The following AHI1 variants were observed in gnomAD, a reference collection of about 807,000 sequenced individuals.
AHI1 encodes jouberin.
Under a neutral mutation model 149.3 loss-of-function variants are expected in AHI1, and 123 were observed. That is an observed-to-expected ratio of 0.82 (90% CI 0.71 to 0.96). AHI1 has a LOEUF of 0.96. AHI1 is among the 40% of genes least tolerant of loss of function. The probability of loss-of-function intolerance (pLI) is 0.00; values close to 1 mark genes in which losing one functional copy is unlikely to be tolerated. For synonymous variants in AHI1, 475 were observed against 459.8 expected (o/e 1.03, Z -0.42); for missense variants, 1,439 against 1,422.7 (o/e 1.01, Z -0.18).
chr6:135,320,345 T>C (rs755048771), intron 25 of AHI1, among the ~76,000 whole-genome samples: 9 of 152,220 alleles, frequency 5.9e-5, no homozygotes, highest in Non-Finnish European at 1.2e-4. Flanking sequence ...ATGGTCATCA[T>C]TGAGACAAAG....
chr6:135,463,999 C>T (rs1050768792), intron 7 of AHI1, among the ~76,000 whole-genome samples: 1 of 152,198 alleles, frequency 6.6e-6, no homozygotes, highest in Non-Finnish European at 1.5e-5. Flanking sequence ...TGAGTCACTA[C>T]ATTTTCAGAA....
chr6:135,331,869 G>T (rs918282545), intron 24 of AHI1, among the ~76,000 whole-genome samples: 2 of 152,020 alleles, frequency 1.3e-5, no homozygotes, highest in Non-Finnish European at 1.5e-5. Flanking sequence ...CCTGATTTCA[G>T]ACTCCGGGCT....
chr6:135,358,671 T>C (rs77194277), intron 23 of AHI1, among the ~76,000 whole-genome samples: 1,577 of 152,340 alleles, frequency 0.01, 21 homozygotes, highest in African/African-American at 0.035. Flanking sequence ...ATTTATTCAA[T>C]CACCATGAGT....
intron 23 of AHI1, among the ~76,000 whole-genome samples, chr6:135,359,650 T>C (rs991423692): frequency 5.9e-5 from 9 of 152,200 alleles, no homozygotes; most frequent in South Asian, 2.1e-4. Flanking sequence ...CTGAGAATAG[T>C]GTGGCATGGC....
Position 135,431,227 on chromosome 6 carries a change from T to TG in AHI1, c.2353dup (p.His785ProfsTer7). On this transcript the variant is annotated frameshift_variant, in exon 17 of 29. Coordinates refer to ENST00000265602, the MANE Select transcript of AHI1 (RefSeq NM_001134831.2). LOFTEE classifies it high-confidence loss of function. ...TTATACCTTATTTATAGTCCAGTGG[T>TG]GCACTGAATGTTCCAAATCATTAAT... 1 of 1,598,890 alleles carries TG rather than the reference T, an allele frequency of 6.3e-7. No homozygotes were observed. Among genetic ancestry groups the TG allele is most frequent in the Non-Finnish European group, 8.5e-7 (1 of 1,169,988 alleles).
At chr6:135,330,655 G>C (rs1011521475) in intron 24 of AHI1, among the ~76,000 whole-genome samples, 7 of 152,188 alleles carry the variant, frequency 4.6e-5, no homozygotes, top group Non-Finnish European at 7.3e-5. Flanking sequence ...TACGCAATGA[G>C]GAATCAGGGT....
intron 20 of AHI1, among the ~76,000 whole-genome samples, chr6:135,422,115 A>T (rs1783258619): frequency 6.6e-6 from 1 of 152,206 alleles, no homozygotes; most frequent in African/African-American, 2.4e-5. Context: ...TATCTCCAAT[A>T]TAGAAAACCA....
At chr6:135,478,050 C>G (rs1007345946) in intron 5 of AHI1, among the ~76,000 whole-genome samples, 1 of 152,162 alleles carries the variant, frequency 6.6e-6, no homozygotes, top group Non-Finnish European at 1.5e-5. Context: ...ATCTGCCCAC[C>G]TTGGCCTCCC....
intron 26 of AHI1, chr6:135,302,302 T>C (rs2128353576): frequency 3.0e-6 from 3 of 985,598 alleles, no homozygotes; most frequent in Non-Finnish European, 3.6e-6. Flanking sequence ...TCTCATCAAT[T>C]TGAACCTATT....
intron 14 of AHI1, among the ~76,000 whole-genome samples, chr6:135,438,711 AT>A (rs1382645139): frequency 6.6e-6 from 1 of 152,126 alleles, no homozygotes; most frequent in African/African-American, 2.4e-5. Flanking sequence ...TTCAGTTATA[AT>A]TTTGCTACAA....
intron 23 of AHI1, among the ~76,000 whole-genome samples, chr6:135,388,808 T>C (rs897865107): frequency 3.3e-5 from 5 of 150,182 alleles, no homozygotes; most frequent in Admixed American, 6.6e-5. Context: ...GGTCAGGAGT[T>C]CAAGACCAGC....
chr6:135,427,085 T>C, intron 20 of AHI1, 82 bp downstream of exon 20: 1 of 1,399,688 alleles, frequency 7.1e-7, no homozygotes, highest in African/African-American at 1.4e-5. Context: ...TTGTCAACAT[T>C]TGAATTCCAG....
At chr6:135,366,933 A>G (rs1196351708) in intron 23 of AHI1, among the ~76,000 whole-genome samples, 1 of 152,182 alleles carries the variant, frequency 6.6e-6, no homozygotes. Context: ...CTTTCCTCTT[A>G]GCACTGCTTT....
intron 23 of AHI1, among the ~76,000 whole-genome samples, chr6:135,378,440 T>C (rs1422336780): frequency 1.3e-5 from 2 of 152,234 alleles, no homozygotes; most frequent in African/African-American, 4.8e-5. Context: ...ATTTGATAAA[T>C]TTCCTCAGTA....
At chr6:135,334,268 G>C (rs1789037877) in intron 24 of AHI1, among the ~76,000 whole-genome samples, 1 of 152,160 alleles carries the variant, frequency 6.6e-6, no homozygotes, top group South Asian at 2.1e-4. Flanking sequence ...GGGCCTTTGG[G>C]AGGTGATTAG....
chr6:135,299,987 C>G (rs1030996014), intron 27 of AHI1, among the ~76,000 whole-genome samples: 1 of 152,084 alleles, frequency 6.6e-6, no homozygotes, highest in African/African-American at 2.4e-5. Flanking sequence ...TTTCTTATAA[C>G]TTTGTAATAA....
intron 27 of AHI1, among the ~76,000 whole-genome samples, chr6:135,294,698 C>CAAAAAAAAAAAAAAAA (rs56734547): frequency 8.1e-4 from 55 of 67,894 alleles, no homozygotes; most frequent in Non-Finnish European, 9.6e-4. Flanking sequence ...TCTCCAAATG[C>CAAAAAAAAAAAAAAAA]AAAAAAAAAA....
chr6:135,461,375 C>T (rs977655354), intron 8 of AHI1, among the ~76,000 whole-genome samples: 4 of 151,854 alleles, frequency 2.6e-5, no homozygotes, highest in African/African-American at 4.8e-5. Context: ...CTATACATTC[C>T]TGAAGAATGA....
chr6:135,472,360 T>C (rs1791887120), intron 5 of AHI1, among the ~76,000 whole-genome samples: 1 of 152,224 alleles, frequency 6.6e-6, no homozygotes, highest in Non-Finnish European at 1.5e-5. Context: ...GCTTTATTCA[T>C]AGCAGTTTAT....
Sources: allele counts gnomAD v4.1 joint callset (sites outside exome capture counted in the v4.1 genomes callset), GRCh38; gene constraint gnomAD v4.1.1; transcripts MANE v1.5; gene names NCBI Gene and HGNC (gene_info 2026-07-23, HGNC 2026-07-21).